SENP7: variants seen among roughly 807,000 people sequenced by gnomAD.
SENP7 encodes sentrin-specific protease 7.
A neutral mutation model predicts 141.2 loss-of-function variants in SENP7; 64 were observed. The ratio of observed to expected loss-of-function variants is 0.45; its 90% CI spans 0.37 to 0.56. SENP7 has a LOEUF of 0.56. Among genes scored for constraint, SENP7 ranks in the 20% least tolerant of loss-of-function variants. The pLI, the probability that SENP7 is intolerant of heterozygous loss-of-function variation, is 0.00. For synonymous variants in SENP7, 382 were observed against 426.4 expected (o/e 0.90, Z 1.28); for missense variants, 1,025 against 1,212.2 (o/e 0.85, Z 2.29).
At position 101,352,031 on chromosome 3, in the gene SENP7, T is replaced by C. The variant is rs554101861; in HGVS notation, c.1624-380A>G. 4.6e-5 allele frequency among the ~76,000 whole-genome samples: 7 copies of C among 152,106 alleles called. No individual in the cohort carries two copies. In the Middle Eastern group the frequency reaches 0.017, roughly 370 times the overall value. ...AACAGAGTTTCATTTTTGGCTTTGCTGACTCAGCAGCTGACGATGATTCCC... is the reference window on the plus strand; with the variant it reads ...AACAGAGTTTCATTTTTGGCTTTGCCGACTCAGCAGCTGACGATGATTCCC... On this transcript the variant is annotated intron_variant, in intron 11 of 23. Coordinates refer to ENST00000394095, the MANE Select transcript of SENP7 (RefSeq NM_020654.5).
At chr3:101,355,446 A>AGCACCGTTTATTGAATAGTGAGTGCTTT (rs2059715543) in intron 11 of SENP7, among the ~76,000 whole-genome samples, 1 of 152,256 alleles carries the variant, frequency 6.6e-6, no homozygotes, top group East Asian at 1.9e-4. Flanking sequence ...CAGTTATCTT[A>AGCACCGTTTATTGAATAGTGAGTGCTTT]GCACCGTTTA....
At chr3:101,438,242 T>C (rs1389227590) in intron 4 of SENP7, among the ~76,000 whole-genome samples, 3 of 152,110 alleles carry the variant, frequency 2.0e-5, no homozygotes, top group Non-Finnish European at 2.9e-5. Context: ...CAATGGAAAA[T>C]TATTCACCTT....
intron 5 of SENP7, among the ~76,000 whole-genome samples, chr3:101,405,809 T>G (rs968950491): frequency 3.3e-5 from 5 of 152,090 alleles, no homozygotes; most frequent in African/African-American, 1.2e-4. Context: ...GCAATAGAAT[T>G]GAACAAGTGG....
In SENP7 at chr3:101,501,090, ACTTTTTC is replaced by A; in HGVS notation, c.63_69del (p.Arg21SerfsTer9). The A allele has an allele frequency of 6.2e-7, 1 of 1,607,316 alleles. No homozygotes were observed. Among genetic ancestry groups the A allele is most frequent in the Non-Finnish European group, 8.5e-7 (1 of 1,176,364 alleles). On this transcript the variant is annotated frameshift_variant, in exon 2 of 24. Transcript: ENST00000394095. LOFTEE classifies it high-confidence loss of function. ...CATACCTCCGATAAATCAGAAGATG[ACTTTTTC>A]CTTTTTCCTTCTGTGATGATTTCTA...
Position 101,404,114 on chromosome 3 carries a change from C to T in SENP7, c.483-5059G>A, listed in dbSNP as rs527964942. On this transcript the variant is annotated intron_variant, in intron 5 of 23. Transcript: ENST00000394095. ...CAAAAAGAACCCCATATAACCAAGGCAATCCTAAGCAAAAAGAAGAAAACT... is the reference window on the plus strand; with the variant it reads ...CAAAAAGAACCCCATATAACCAAGGTAATCCTAAGCAAAAAGAAGAAAACT... Among the ~76,000 whole-genome samples, 93 of 152,216 alleles carry T rather than the reference C, an allele frequency of 6.1e-4. 1 individual carries two copies. The highest frequency in any genetic ancestry group is 2.1e-4 in the Non-Finnish European group (14 of 67,998).
chr3:101,398,808 G>T, intron 6 of SENP7, 53 bp downstream of exon 6: 1 of 1,240,742 alleles, frequency 8.1e-7, no homozygotes, highest in Non-Finnish European at 1.1e-6. Flanking sequence ...GAACAGGGAA[G>T]GATACATAAA....
At chr3:101,376,822 TGAAACAAAGCTGG>T (rs1203684377) in intron 6 of SENP7, among the ~76,000 whole-genome samples, 1 of 151,944 alleles carries the variant, frequency 6.6e-6, no homozygotes, top group African/African-American at 2.4e-5. Context: ...CAGAAGAATT[TGAAACAAAGCTGG>T]GAAACAAAGC....
At position 101,451,997 on chromosome 3, in the gene SENP7, T is replaced by G. The variant is rs546705574; in HGVS notation, c.284+6958A>C. 4.1e-3 allele frequency among the ~76,000 whole-genome samples: 618 copies of G among 152,344 alleles called. 4 individuals carry two copies. The highest frequency in any genetic ancestry group is 0.014 in the African/African-American group (583 of 41,562). On this transcript the variant is annotated intron_variant, in intron 4 of 23. Transcript: ENST00000394095. ...TCAGCCCAAAATCTCCTTAAGCTGA[T>G]AGGCAACTTCAGCAAAGTCTCAGGA...
intron 4 of SENP7, among the ~76,000 whole-genome samples, chr3:101,434,492 T>C (rs1277817990): frequency 6.6e-6 from 1 of 151,902 alleles, no homozygotes; most frequent in Non-Finnish European, 1.5e-5. Context: ...AAAGTTGGTT[T>C]TTTCAAAAGT....
intron 6 of SENP7, among the ~76,000 whole-genome samples, chr3:101,395,650 A>C (rs1485524733): frequency 6.6e-6 from 1 of 152,138 alleles, no homozygotes; most frequent in Non-Finnish European, 1.5e-5. Flanking sequence ...TAGGGTTAAG[A>C]TTAACAAATT....
At chr3:101,463,887 C>G (rs897872472) in intron 3 of SENP7, among the ~76,000 whole-genome samples, 1 of 152,098 alleles carries the variant, frequency 6.6e-6, no homozygotes, top group Non-Finnish European at 1.5e-5. Context: ...TGCAGTGGCG[C>G]GATCTCGGCT....
chr3:101,441,467 C>T (rs923702376), intron 4 of SENP7, among the ~76,000 whole-genome samples: 1 of 152,136 alleles, frequency 6.6e-6, no homozygotes, highest in Non-Finnish European at 1.5e-5. Context: ...GACAGGGCTG[C>T]CCTGTCCACT....
At chr3:101,344,003 G>A (rs932347323) in intron 13 of SENP7, 49 bp from the exon 14 acceptor site, 2 of 1,178,762 alleles carry the variant, frequency 1.7e-6, no homozygotes, top group Admixed American at 5.7e-5. Context: ...TTTTCAAGAG[G>A]ATTATAATAC....
chr3:101,377,522 A>T (rs1436072525), intron 6 of SENP7, among the ~76,000 whole-genome samples: 1 of 152,216 alleles, frequency 6.6e-6, no homozygotes, highest in Non-Finnish European at 1.5e-5. Flanking sequence ...TTTTATCTCC[A>T]GGAGTTCAAC....
At chr3:101,372,644 G>C (rs1576130630) in intron 6 of SENP7, among the ~76,000 whole-genome samples, 1 of 151,948 alleles carries the variant, frequency 6.6e-6, no homozygotes, top group East Asian at 1.9e-4. Context: ...TGGAATGATA[G>C]TCACAATGTT....
intron 4 of SENP7, among the ~76,000 whole-genome samples, chr3:101,455,366 A>G (rs1204506545): frequency 2.6e-5 from 4 of 152,226 alleles, no homozygotes; most frequent in Non-Finnish European, 5.9e-5. Context: ...TGAAAATTAA[A>G]TAAGACAGTT....
At chr3:101,453,811 A>G (rs1253553441) in intron 4 of SENP7, among the ~76,000 whole-genome samples, 2 of 152,158 alleles carry the variant, frequency 1.3e-5, no homozygotes, top group Non-Finnish European at 2.9e-5. Context: ...GCACATGTAT[A>G]CATATGTAAC....
chr3:101,489,268 A>AG (rs2108081466), intron 3 of SENP7, among the ~76,000 whole-genome samples: 1 of 152,346 alleles, frequency 6.6e-6, no homozygotes, highest in East Asian at 1.9e-4. Flanking sequence ...AAGTCTATAC[A>AG]ACAACCAACA....
At chr3:101,333,030 G>A (rs373899748) in intron 17 of SENP7, 168 bp from the exon 18 acceptor site, 3 of 592,834 alleles carry the variant, frequency 5.1e-6, no homozygotes, top group East Asian at 3.4e-5. Context: ...GTAACCCCTG[G>A]TTATTCTTAA....
Sources: gnomAD v4.1 joint callset for allele counts (sites outside exome capture counted in the v4.1 genomes callset) on GRCh38, gnomAD v4.1.1 for gene constraint, MANE v1.5 for transcripts, NCBI Gene and HGNC (gene_info 2026-07-23, HGNC 2026-07-21) for gene names.